OPCML: variants seen among roughly 807,000 people sequenced by gnomAD.
The protein encoded by OPCML is opioid binding protein/cell adhesion molecule like.
In OPCML, 13 loss-of-function variants were observed where a neutral mutation model predicts 37.8. The observed-to-expected ratio is 0.34, with a 90% CI of 0.22 to 0.55. The LOEUF (loss-of-function observed/expected upper bound fraction) is 0.55, where lower values mean the gene tolerates loss of function less well. Ranked by LOEUF, OPCML falls within the 20% of genes least tolerant of loss-of-function variation. The pLI, the probability that OPCML is intolerant of heterozygous loss-of-function variation, is 0.91. For missense variants in OPCML, 341 were observed against 435.6 expected, an observed-to-expected ratio of 0.78 and a Z score of 1.93; for synonymous variants, 176 against 168.8, an observed-to-expected ratio of 1.04 and a Z score of -0.33.
chr11:133,119,566 C>T (rs973589493), intron 1 of OPCML, among the ~76,000 whole-genome samples: 4 of 152,178 alleles, frequency 2.6e-5, no homozygotes, highest in East Asian at 1.9e-4. Flanking sequence ...CAAAACCCTC[C>T]GATTTCAGCA....
chr11:132,904,490 G>T (rs533674137), intron 2 of OPCML, among the ~76,000 whole-genome samples: 1 of 152,294 alleles, frequency 6.6e-6, no homozygotes, highest in Non-Finnish European at 1.5e-5. Flanking sequence ...TTGAATTTGT[G>T]ACCTCAGACT....
chr11:132,850,977 T>C (rs1316038112), intron 2 of OPCML, among the ~76,000 whole-genome samples: 3 of 152,176 alleles, frequency 2.0e-5, no homozygotes, highest in Non-Finnish European at 2.9e-5. Flanking sequence ...TAGGCCCCCA[T>C]GGGGTCTGCG....
intron 7 of OPCML, among the ~76,000 whole-genome samples, chr11:132,431,449 G>A (rs2095996631): frequency 6.6e-6 from 1 of 152,220 alleles, no homozygotes; most frequent in Non-Finnish European, 1.5e-5. Flanking sequence ...TGGGGCTAAG[G>A]AAAGTGGGTG....
chr11:132,942,805 C>T (rs568252249), intron 2 of OPCML, 121 bp downstream of exon 2: 1,333 of 1,313,950 alleles, frequency 1.0e-3, no homozygotes, highest in Middle Eastern at 1.7e-3. Context: ...GGGCGCCCCT[C>T]GGGCCTGCAC....
At chr11:133,528,009 G>A (rs943960677) in intron 1 of OPCML, among the ~76,000 whole-genome samples, 2 of 152,234 alleles carry the variant, frequency 1.3e-5, no homozygotes, top group East Asian at 3.8e-4. Context: ...GCAGGCAAGT[G>A]CCAGCTGTCT....
chr11:133,442,430 A>C (rs1053492298), intron 1 of OPCML, among the ~76,000 whole-genome samples: 7 of 152,170 alleles, frequency 4.6e-5, no homozygotes, highest in African/African-American at 1.7e-4. Flanking sequence ...CAAGAATTCC[A>C]CTTCCAGGAA....
chr11:132,725,443 G>A (rs1944843413), intron 2 of OPCML, among the ~76,000 whole-genome samples: 1 of 152,134 alleles, frequency 6.6e-6, no homozygotes, highest in Non-Finnish European at 1.5e-5. Flanking sequence ...TAGGCCTCTG[G>A]GACTGTAATG....
intron 1 of OPCML, among the ~76,000 whole-genome samples, chr11:133,210,585 A>AT (rs1592107911): frequency 6.6e-6 from 1 of 151,982 alleles, no homozygotes; most frequent in African/African-American, 2.4e-5. Context: ...TCAAAGGGAC[A>AT]TTTTTTCTTT....
intron 4 of OPCML, among the ~76,000 whole-genome samples, chr11:132,525,302 CTGTAAG>C (rs1410222066): frequency 1.3e-5 from 2 of 152,158 alleles, no homozygotes; most frequent in African/African-American, 4.8e-5. Context: ...CCATCTTAAA[CTGTAAG>C]TGTGATTGTT....
At chr11:133,282,090 C>G (rs189726771) in intron 1 of OPCML, among the ~76,000 whole-genome samples, 2 of 152,248 alleles carry the variant, frequency 1.3e-5, no homozygotes, top group Admixed American at 6.5e-5. Context: ...AAGTTTGCAG[C>G]CTGGCCCTGT....
In OPCML at chr11:132,720,060, G is replaced by A. The variant is rs552700828; in HGVS notation, c.147-62741C>T. Among the ~76,000 whole-genome samples the A allele has an allele frequency of 2.0e-4, 30 of 152,290 alleles. 4 individuals are homozygous for A. In the South Asian group the frequency reaches 4.4e-3, roughly 22 times the overall value. Reference sequence around the variant, plus strand: ...AACTTATGCTGCTACTAAGTGTGCCGGTAAAATGCTTGCACTGGAAAGGGA... The same window carrying A: ...AACTTATGCTGCTACTAAGTGTGCCAGTAAAATGCTTGCACTGGAAAGGGA... On this transcript the variant is annotated intron_variant, in intron 2 of 7. Coordinates refer to ENST00000524381, the MANE Select transcript of OPCML (RefSeq NM_001012393.5).
intron 3 of OPCML, among the ~76,000 whole-genome samples, chr11:132,562,117 A>T (rs564413115): frequency 5.3e-5 from 8 of 152,278 alleles, no homozygotes; most frequent in Admixed American, 3.9e-4. Flanking sequence ...TTGAGTTGTA[A>T]TATGTGTTCT....
chr11:133,130,811 A>G (rs1949591401), intron 1 of OPCML, among the ~76,000 whole-genome samples: 2 of 152,144 alleles, frequency 1.3e-5, no homozygotes, highest in Non-Finnish European at 2.9e-5. Flanking sequence ...AAATTTTGAC[A>G]AAGGAGCTAA....
intron 3 of OPCML, among the ~76,000 whole-genome samples, chr11:132,537,693 T>C (rs746621500): frequency 9.6e-4 from 146 of 152,204 alleles, no homozygotes; most frequent in Non-Finnish European, 1.9e-3. Context: ...AATAACGGAC[T>C]ACTGTCAAAA....
At position 133,008,056 on chromosome 11, in the gene OPCML, C is replaced by T. The variant is rs7938085; in HGVS notation, c.62-65046G>A. On this transcript the variant is annotated intron_variant, in intron 1 of 7. Transcript: ENST00000524381. ...GTCTCATTGTTGAGATCTTGCTGTA[C>T]GGCTACTTGCATTGGAAGCTCTTGG... 182 of 985,414 alleles carry T rather than the reference C, an allele frequency of 1.8e-4. No homozygotes were observed. The Admixed American group carries it at 3.1e-3, about 17-fold the overall frequency. 61.0% of individuals were successfully genotyped at this position (985,414 alleles called of 1,614,324 possible).
Position 133,479,333 on chromosome 11 carries a change from G to T in OPCML, c.61+52931C>A, listed in dbSNP as rs539591252. Among the ~76,000 whole-genome samples, 35 of 152,310 alleles carry T rather than the reference G, an allele frequency of 2.3e-4. 1 individual carries two copies. The South Asian group carries it at 7.1e-3, about 31-fold the overall frequency. On this transcript the variant is annotated intron_variant, in intron 1 of 7. Transcript: ENST00000524381. Reference sequence around the variant, plus strand: ...GGCCATCACAAGCAATATCAGCTCTGTGTAGAGTCCCAGTGCACATCAGCA... The same window carrying T: ...GGCCATCACAAGCAATATCAGCTCTTTGTAGAGTCCCAGTGCACATCAGCA...
chr11:132,693,659 A>G (rs1943489650), intron 2 of OPCML, among the ~76,000 whole-genome samples: 1 of 152,246 alleles, frequency 6.6e-6, no homozygotes, highest in Non-Finnish European at 1.5e-5. Flanking sequence ...GCTCCAGATT[A>G]TAATTGCCAA....
chr11:132,738,323 C>T (rs1239869619), intron 2 of OPCML, among the ~76,000 whole-genome samples: 1 of 152,182 alleles, frequency 6.6e-6, no homozygotes, highest in Non-Finnish European at 1.5e-5. Flanking sequence ...TCCTAAGTGC[C>T]AGAAAGTTTT....
rs1227653347 is a variant in OPCML, at chr11:132,419,824, G to A, written c.*369C>T. ...GTTGTGTCTTCAGGGTGTTTATTGTGAGGCTCAATTTTTGCCCAAATGAAA... is the reference window on the plus strand; with the variant it reads ...GTTGTGTCTTCAGGGTGTTTATTGTAAGGCTCAATTTTTGCCCAAATGAAA... On this transcript the variant is annotated 3_prime_UTR_variant, in exon 8 of 8. Transcript: ENST00000524381. The A allele has an allele frequency of 1.9e-5, 4 of 209,566 alleles. No individual in the cohort carries two copies. The East Asian group carries it at 3.8e-4, about 20-fold the overall frequency. 13.0% of individuals were successfully genotyped at this position (209,566 alleles called of 1,614,324 possible).
Sources: allele counts gnomAD v4.1 joint callset (sites outside exome capture counted in the v4.1 genomes callset), GRCh38; gene constraint gnomAD v4.1.1; transcripts MANE v1.5; gene names NCBI Gene and HGNC (gene_info 2026-07-23, HGNC 2026-07-21).